Variants in CACNA1A observed in about 807,000 individuals in gnomAD.
The protein encoded by CACNA1A is voltage-dependent P/Q-type calcium channel subunit alpha-1A.
Under a neutral mutation model 262.4 loss-of-function variants are expected in CACNA1A, and 57 were observed. That is an observed-to-expected ratio of 0.22 (90% CI 0.18 to 0.27). The LOEUF is 0.27. CACNA1A is among the 10% of genes least tolerant of loss of function. The probability of loss-of-function intolerance (pLI) is 1.00; values close to 1 mark genes in which losing one functional copy is unlikely to be tolerated. For missense variants in CACNA1A, 2,526 were observed against 3,562.8 expected, an observed-to-expected ratio of 0.71 and a Z score of 7.41; for synonymous variants, 1,431 against 1,419.3, an observed-to-expected ratio of 1.01 and a Z score of -0.18.
chr19:13,228,678 A>G, intron 36 of CACNA1A: 1 of 1,320,800 alleles, frequency 7.6e-7, no homozygotes, highest in Non-Finnish European at 1.1e-6. Flanking sequence ...GGATGCTAGC[A>G]GGTTTTAGTG....
In CACNA1A at chr19:13,227,903, CTTT is replaced by C. The variant is rs34218031; in HGVS notation, c.5529-379_5529-377del. ...GTAGAGCCATGCTTTTGTTCATTGC[CTTT>C]TTTTTTTTTTTTTTTTTTTTTTAAA... On this transcript the variant is annotated intron_variant, in intron 36 of 46. Transcript: ENST00000360228. 9.6e-3 allele frequency among the ~76,000 whole-genome samples: 713 copies of C among 74,256 alleles called. 2 individuals are homozygous for C. The highest frequency in any genetic ancestry group is 0.055 in the South Asian group (80 of 1,446). The allele number at this position is 74,256 out of a possible 152,430, so 48.7% of individuals were successfully genotyped here. A position where few individuals can be genotyped will look rare whatever the true frequency, so the allele number is the denominator to read the frequency against.
intron 3 of CACNA1A, among the ~76,000 whole-genome samples, chr19:13,432,648 G>C (rs1599442279): frequency 1.3e-5 from 2 of 150,940 alleles, no homozygotes; most frequent in East Asian, 3.9e-4. Context: ...TGTAGTGTAT[G>C]TTTCAACGTA....
chr19:13,445,851 C>T (rs1173593602), intron 3 of CACNA1A, among the ~76,000 whole-genome samples: 3 of 152,112 alleles, frequency 2.0e-5, no homozygotes, highest in Non-Finnish European at 4.4e-5. Context: ...AACAGATGTC[C>T]GGGGTAAGAT....
At chr19:13,259,446 AC>A in intron 27 of CACNA1A, 117 bp downstream of exon 27, 1 of 856,150 alleles carries the variant, frequency 1.2e-6, no homozygotes, top group East Asian at 3.0e-5. Flanking sequence ...TGTTGGGATT[AC>A]AGGCGTGAGC....
chr19:13,473,444 C>T (rs1443390038), intron 1 of CACNA1A, among the ~76,000 whole-genome samples: 1 of 152,194 alleles, frequency 6.6e-6, no homozygotes, highest in Non-Finnish European at 1.5e-5. Context: ...GGGAGCTCAG[C>T]ACTGCTGATG....
chr19:13,215,767 C>T (rs999772199), intron 38 of CACNA1A, among the ~76,000 whole-genome samples: 3 of 152,056 alleles, frequency 2.0e-5, no homozygotes, highest in African/African-American at 7.2e-5. Flanking sequence ...CAGGCACGCA[C>T]CACCATGCCT....
At chr19:13,385,124 G>GTGGC (rs1432184878) in intron 3 of CACNA1A, among the ~76,000 whole-genome samples, 1 of 152,128 alleles carries the variant, frequency 6.6e-6, no homozygotes, top group African/African-American at 2.4e-5. Flanking sequence ...CAAGCCACAT[G>GTGGC]TGGCTGGTGC....
intron 5 of CACNA1A, 50 bp from the exon 6 acceptor site, chr19:13,359,849 G>A (rs1048310716): frequency 7.5e-7 from 1 of 1,334,136 alleles, no homozygotes; most frequent in Non-Finnish European, 1.0e-6. Flanking sequence ...GGGAAAACCA[G>A]CTCTGAGAAA....
intron 38 of CACNA1A, among the ~76,000 whole-genome samples, chr19:13,223,531 TATC>T (rs1344911674): frequency 6.6e-6 from 1 of 152,132 alleles, no homozygotes; most frequent in African/African-American, 2.4e-5. Flanking sequence ...ACCCAGATGA[TATC>T]AGCAGCCCCC....
intron 1 of CACNA1A, among the ~76,000 whole-genome samples, chr19:13,469,383 T>G (rs2061307686): frequency 6.7e-6 from 1 of 149,186 alleles, no homozygotes; most frequent in Non-Finnish European, 1.5e-5. Context: ...TCCAAGCCAC[T>G]CCAGCTATGC....
intron 24 of CACNA1A, chr19:13,263,173 T>G (rs942668749): frequency 4.1e-6 from 1 of 242,728 alleles, no homozygotes; most frequent in Non-Finnish European, 8.2e-6. Flanking sequence ...ACAGCTTTTC[T>G]TTTTTCTTTT....
At chr19:13,497,524 ATATATATATATATATATATATAT>A (rs1981797410) in intron 1 of CACNA1A, among the ~76,000 whole-genome samples, 2 of 1,086 alleles carry the variant, frequency 1.8e-3, no homozygotes, top group African/African-American at 4.0e-3. Context: ...AAAAAAAAAT[ATATATATATATATATATATATAT>A]ATATATATAT....
intron 24 of CACNA1A, chr19:13,273,913 T>C (rs2057084084): frequency 1.3e-5 from 1 of 78,250 alleles, no homozygotes; most frequent in Non-Finnish European, 2.4e-5. Context: ...GCCTGGCTAA[T>C]TGTTTTTTTT....
chr19:13,300,014 C>G (rs989498723), intron 18 of CACNA1A, among the ~76,000 whole-genome samples: 1 of 152,162 alleles, frequency 6.6e-6, no homozygotes, highest in Non-Finnish European at 1.5e-5. Flanking sequence ...GCTGATCTGA[C>G]GGCAGGTGGA....
At chr19:13,304,032 G>A (rs374573452) in intron 15 of CACNA1A, 148 bp from the exon 16 acceptor site, 4 of 630,454 alleles carry the variant, frequency 6.3e-6, no homozygotes, top group African/African-American at 1.8e-5. Flanking sequence ...GCCAGACTCC[G>A]TGTTGGCTTC....
chr19:13,253,556 C>CT (rs2056462409), intron 29 of CACNA1A, among the ~76,000 whole-genome samples: 3 of 150,744 alleles, frequency 2.0e-5, no homozygotes, highest in Non-Finnish European at 3.0e-5. Context: ...TGCCATTCCC[C>CT]TGCCTCAGCC....
intron 3 of CACNA1A, among the ~76,000 whole-genome samples, chr19:13,426,766 T>C (rs1291780316): frequency 6.6e-6 from 1 of 152,160 alleles, no homozygotes; most frequent in African/African-American, 2.4e-5. Flanking sequence ...AGAGCCAGCA[T>C]CTTGGTTTGC....
intron 1 of CACNA1A, among the ~76,000 whole-genome samples, chr19:13,478,930 T>C (rs1978907629): frequency 6.6e-6 from 1 of 152,136 alleles, no homozygotes; most frequent in Non-Finnish European, 1.5e-5. Context: ...TCCCAGCACT[T>C]TGGAAGGCTG....
At chr19:13,382,070 G>A (rs2059533312) in intron 3 of CACNA1A, among the ~76,000 whole-genome samples, 1 of 152,140 alleles carries the variant, frequency 6.6e-6, no homozygotes, top group African/African-American at 2.4e-5. Context: ...CAGGGAGGTT[G>A]TGCTGGATGC....
Sources: allele counts gnomAD v4.1 joint callset (sites outside exome capture counted in the v4.1 genomes callset), GRCh38; gene constraint gnomAD v4.1.1; transcripts MANE v1.5; gene names NCBI Gene and HGNC (gene_info 2026-07-23, HGNC 2026-07-21).